PCDHGA6: variants seen among roughly 807,000 people sequenced by gnomAD.
The protein encoded by PCDHGA6 is protocadherin gamma-A6.
PCDHGA6 carries 41 observed loss-of-function variants against 60.6 expected under a neutral mutation model. The observed-to-expected ratio is 0.68, with a 90% CI of 0.53 to 0.88. The LOEUF is 0.88. Ranked by LOEUF, PCDHGA6 falls within the 40% of genes least tolerant of loss-of-function variation. PCDHGA6 has a pLI of 0.00. For missense variants in PCDHGA6, 1,312 were observed against 1,203.0 expected (o/e 1.09, Z -1.34); for synonymous variants, 594 against 524.4 (o/e 1.13, Z -1.81).
At chr5:141,426,844 A>C (rs1397752566) in intron 1 of PCDHGA6, 1 of 456,628 alleles carries the variant, frequency 2.2e-6, no homozygotes, top group Non-Finnish European at 4.4e-6. Context: ...ACTAAAGGCA[A>C]GAACGCTCCA....
chr5:141,505,803 C>T (rs920849273), intron 3 of PCDHGA6, among the ~76,000 whole-genome samples: 29 of 152,116 alleles, frequency 1.9e-4, no homozygotes, highest in African/African-American at 6.5e-4. Flanking sequence ...GGACTTGGAT[C>T]GACTTGCTCA....
chr5:141,466,674 T>C (rs2099127051), intron 1 of PCDHGA6, among the ~76,000 whole-genome samples: 1 of 152,222 alleles, frequency 6.6e-6, no homozygotes, highest in South Asian at 2.1e-4. Flanking sequence ...TTCACCGTTC[T>C]TCCACTCAAG....
chr5:141,439,212 T>G (rs1391791892), intron 1 of PCDHGA6, among the ~76,000 whole-genome samples: 1 of 150,642 alleles, frequency 6.6e-6, no homozygotes, highest in Non-Finnish European at 1.5e-5. Context: ...AAAATCCATA[T>G]GTGAAAATTC....
intron 1 of PCDHGA6, chr5:141,409,634 G>GGA (rs766487639): frequency 1.2e-6 from 2 of 1,613,720 alleles, no homozygotes; most frequent in African/African-American, 2.7e-5. Flanking sequence ...GAGCGCCTCT[G>GGA]ACCCGGATTT....
chr5:141,472,371 C>G (rs2099278632), intron 1 of PCDHGA6, among the ~76,000 whole-genome samples: 1 of 151,944 alleles, frequency 6.6e-6, no homozygotes, highest in Admixed American at 6.6e-5. Flanking sequence ...GAAACCCCGT[C>G]TCCACTAAAA....
At chr5:141,422,272 A>G in intron 1 of PCDHGA6, 1 of 1,561,362 alleles carries the variant, frequency 6.4e-7, no homozygotes, top group Non-Finnish European at 8.6e-7. Context: ...TCCAGAAATA[A>G]CTATCACCTC....
In PCDHGA6 at chr5:141,490,498, T is replaced by C. The variant is rs544031284; in HGVS notation, c.2425-4309T>C. On this transcript the variant is annotated intron_variant, in intron 1 of 3. Coordinates refer to ENST00000517434, the MANE Select transcript of PCDHGA6 (RefSeq NM_018919.3). This position sits in a 1 kb window ranked among gnomAD's most constrained non-coding sequence, Gnocchi z 5.4. ...TTTGGACCGGGAGGCCACATCCCAC[T>C]ATATCATCGAGCTGCTGGCCAGCGA... 1.2e-6 allele frequency: 2 copies of C among 1,614,132 alleles called. No individual in the cohort carries two copies. Among genetic ancestry groups the C allele is most frequent in the African/African-American group, 1.3e-5 (1 of 75,038 alleles).
intron 1 of PCDHGA6, chr5:141,422,942 G>C (rs199976232): frequency 6.2e-7 from 1 of 1,614,214 alleles, no homozygotes; most frequent in East Asian, 2.2e-5. Flanking sequence ...CCCACAGACG[G>C]CTCCACTGGC....
rs532318617 is a variant in PCDHGA6, at chr5:141,384,539, C to T, written c.2424+8032C>T. On this transcript the variant is annotated intron_variant, in intron 1 of 3. Coordinates refer to ENST00000517434, the MANE Select transcript of PCDHGA6 (RefSeq NM_018919.3). ...GACCCGCCTCTCAGCAGCAACATGT[C>T]ACTGAGCCTGTTCGTGCTGGACCAG... 44 of 1,614,240 alleles carry T rather than the reference C, an allele frequency of 2.7e-5. No homozygotes were observed. The South Asian group carries it at 4.1e-4, about 15-fold the overall frequency.
intron 1 of PCDHGA6, chr5:141,478,776 A>G (rs961079570): frequency 1.3e-6 from 2 of 1,488,690 alleles, no homozygotes; most frequent in East Asian, 2.5e-5. Flanking sequence ...TCATCTGTGG[A>G]CCTAATTCAC....
chr5:141,448,851 A>T (rs1374003271), intron 1 of PCDHGA6, among the ~76,000 whole-genome samples: 1 of 152,124 alleles, frequency 6.6e-6, no homozygotes, highest in Admixed American at 6.5e-5. Context: ...AGGCTGAGGC[A>T]GGAGAATGGC....
At chr5:141,392,987 G>T in intron 1 of PCDHGA6, 1 of 1,613,930 alleles carries the variant, frequency 6.2e-7, no homozygotes. Context: ...ACCCCCGGAA[G>T]CTGGCGAAGC....
intron 1 of PCDHGA6, 79 bp from the exon 2 acceptor site, chr5:141,494,728 C>T (rs2099756337): frequency 1.2e-6 from 2 of 1,609,984 alleles, no homozygotes; most frequent in Admixed American, 3.3e-5. Context: ...TCCTTCTCTC[C>T]CGGCCCATCC....
intron 1 of PCDHGA6, chr5:141,399,397 G>C: frequency 1.2e-6 from 2 of 1,613,940 alleles, no homozygotes; most frequent in Non-Finnish European, 8.5e-7. Context: ...CACAGACAGG[G>C]GCAAGCCGCC....
chr5:141,413,387 T>G (rs902208287), intron 1 of PCDHGA6: 1 of 1,613,908 alleles, frequency 6.2e-7, no homozygotes, highest in Non-Finnish European at 8.5e-7. Context: ...GTCCGCATAG[T>G]CTCCAGAGGT....
intron 1 of PCDHGA6, chr5:141,410,998 T>C: frequency 5.8e-6 from 1 of 173,396 alleles, no homozygotes; most frequent in South Asian, 1.4e-4. Context: ...GGATTACTGG[T>C]GCCCCTCACC....
intron 1 of PCDHGA6, among the ~76,000 whole-genome samples, chr5:141,445,458 A>G (rs1427391084): frequency 6.6e-6 from 1 of 152,248 alleles, no homozygotes; most frequent in Non-Finnish European, 1.5e-5. Flanking sequence ...TGCAGCAATG[A>G]ACAAGGCATA....
In PCDHGA6 at chr5:141,398,901, C is replaced by CACCA. The variant is rs763382637; in HGVS notation, c.2424+22395_2424+22398dup. ...GCCTTCGGGAAAACGTGCCACCAGG[C>CACCA]ACCACTGTGTTGCAAGTGTCAGCCA... On this transcript the variant is annotated intron_variant, in intron 1 of 3. Coordinates refer to ENST00000517434, the MANE Select transcript of PCDHGA6 (RefSeq NM_018919.3). 3.7e-6 allele frequency: 6 copies of CACCA among 1,613,954 alleles called. No homozygotes were observed. The South Asian group carries it at 6.6e-5, about 18-fold the overall frequency.
intron 1 of PCDHGA6, chr5:141,404,571 C>T: frequency 6.2e-7 from 1 of 1,613,720 alleles, no homozygotes; most frequent in Non-Finnish European, 8.5e-7. Flanking sequence ...AGTGGAAGCC[C>T]ACCACTTAGC....
Sources: allele counts gnomAD v4.1 joint callset (sites outside exome capture counted in the v4.1 genomes callset), GRCh38; gene constraint gnomAD v4.1.1; non-coding constraint Gnocchi (gnomAD v3.1); transcripts MANE v1.5; gene names NCBI Gene and HGNC (gene_info 2026-07-23, HGNC 2026-07-21).